The following RNF13 variants were observed in gnomAD, a reference collection of about 807,000 sequenced individuals.
RNF13 encodes the protein ring finger protein 13, also known as E3 ubiquitin-protein ligase RNF13.
Under a neutral mutation model 37.7 loss-of-function variants are expected in RNF13, and 19 were observed. The ratio of observed to expected loss-of-function variants is 0.50; its 90% CI spans 0.35 to 0.74. RNF13 has a LOEUF of 0.74. Among genes scored for constraint, RNF13 ranks in the 30% least tolerant of loss-of-function variants. The pLI is 0.01. For synonymous variants in RNF13, 144 were observed against 157.8 expected (o/e 0.91, Z 0.65); for missense variants, 375 against 453.0 (o/e 0.83, Z 1.56).
intron 8 of RNF13, among the ~76,000 whole-genome samples, chr3:149,937,749 A>G (rs1040399886): frequency 1.3e-5 from 2 of 152,074 alleles, no homozygotes; most frequent in Non-Finnish European, 2.9e-5. Flanking sequence ...GTATTTATAT[A>G]TTATTATATA....
chr3:149,926,679 G>A (rs1718687659), intron 8 of RNF13, among the ~76,000 whole-genome samples: 1 of 152,118 alleles, frequency 6.6e-6, no homozygotes, highest in Non-Finnish European at 1.5e-5. Flanking sequence ...TTTTATATAA[G>A]GGTATCCAGT....
chr3:149,949,751 A>ATTTTTTTTTTTTTTTTTTTTTT (rs1721132879), intron 8 of RNF13, among the ~76,000 whole-genome samples: 1 of 94,860 alleles, frequency 1.1e-5, no homozygotes. Flanking sequence ...TCTTCTCTTC[A>ATTTTTTTTTTTTTTTTTTTTTT]TTTCTTCTCT....
intron 3 of RNF13, among the ~76,000 whole-genome samples, chr3:149,863,320 T>C (rs1394595431): frequency 1.3e-5 from 2 of 152,230 alleles, no homozygotes; most frequent in Non-Finnish European, 2.9e-5. Context: ...TTGTGTTTGT[T>C]ATGTTTTGGA....
intron 3 of RNF13, among the ~76,000 whole-genome samples, chr3:149,862,634 C>T (rs1024202818): frequency 6.6e-6 from 1 of 152,130 alleles, no homozygotes; most frequent in African/African-American, 2.4e-5. Context: ...CTGTTGCATA[C>T]TGCATTTTAT....
At chr3:149,935,376 A>G (rs546961001) in intron 8 of RNF13, among the ~76,000 whole-genome samples, 4 of 152,098 alleles carry the variant, frequency 2.6e-5, no homozygotes, top group African/African-American at 9.6e-5. Context: ...TTACATTGTT[A>G]TTATTGATAG....
At chr3:149,859,511 A>T (rs989185924) in intron 3 of RNF13, among the ~76,000 whole-genome samples, 12 of 152,160 alleles carry the variant, frequency 7.9e-5, no homozygotes, top group Admixed American at 4.6e-4. Context: ...ACACACACAG[A>T]GGAAGTCAAA....
At chr3:149,946,707 G>A (rs1720800521) in intron 8 of RNF13, among the ~76,000 whole-genome samples, 1 of 151,958 alleles carries the variant, frequency 6.6e-6, no homozygotes, top group African/African-American at 2.4e-5. Flanking sequence ...CTCCATTTTA[G>A]TTATTGCAGC....
chr3:149,817,010 A>G (rs1299679645), intron 1 of RNF13, among the ~76,000 whole-genome samples: 2 of 152,200 alleles, frequency 1.3e-5, no homozygotes, highest in African/African-American at 4.8e-5. Context: ...ATCATGAAGA[A>G]CAGGTTTTGG....
At chr3:149,852,458 G>A in intron 2 of RNF13, 58 bp from the exon 3 acceptor site, 2 of 690,824 alleles carry the variant, frequency 2.9e-6, no homozygotes, top group Non-Finnish European at 4.7e-6. Context: ...ATAAGTCTTT[G>A]TTTTTAATGT....
intron 1 of RNF13, among the ~76,000 whole-genome samples, 176 bp downstream of exon 1, chr3:149,813,529 C>T (rs1719118249): frequency 6.6e-6 from 1 of 152,190 alleles, no homozygotes. Context: ...ATAAAATAGC[C>T]TTGCCCTCGG....
intron 8 of RNF13, among the ~76,000 whole-genome samples, chr3:149,945,340 A>C (rs1162828504): frequency 2.6e-5 from 4 of 151,804 alleles, no homozygotes; most frequent in Non-Finnish European, 5.9e-5. Flanking sequence ...CTGAGATCGA[A>C]CTGCAAGGCG....
At chr3:149,947,424 A>G (rs1720872318) in intron 8 of RNF13, among the ~76,000 whole-genome samples, 1 of 150,660 alleles carries the variant, frequency 6.6e-6, no homozygotes, top group Non-Finnish European at 1.5e-5. Flanking sequence ...TTTTTTTTAA[A>G]GGCGGAGTTT....
intron 8 of RNF13, among the ~76,000 whole-genome samples, chr3:149,949,699 C>T (rs1721123507): frequency 6.6e-6 from 1 of 151,496 alleles, no homozygotes; most frequent in Non-Finnish European, 1.5e-5. Flanking sequence ...TCCCAGAAGT[C>T]CCTCAGATTC....
intron 8 of RNF13, among the ~76,000 whole-genome samples, chr3:149,925,337 C>T (rs1718530755): frequency 6.6e-6 from 1 of 152,104 alleles, no homozygotes; most frequent in South Asian, 2.1e-4. Flanking sequence ...ATTACTGCCA[C>T]CCCAGGAGCT....
chr3:149,879,386 C>T lies in RNF13; in HGVS notation c.321+7232C>T, dbSNP rs111383216. Among the ~76,000 whole-genome samples, 393 of 149,604 alleles carry T rather than the reference C, an allele frequency of 2.6e-3. 2 individuals carry two copies. The highest frequency in any genetic ancestry group is 9.2e-3 in the African/African-American group (375 of 40,542). ...GCAGTGGCATGAACATGGCTCACTG[C>T]AGCCTTGACCTCCTGGGGCTCAGGC... is the stretch of plus-strand genomic sequence containing the variant. On this transcript the variant is annotated intron_variant, in intron 4 of 9. Transcript: ENST00000392894.
intron 6 of RNF13, among the ~76,000 whole-genome samples, chr3:149,907,996 A>G (rs917307113): frequency 2.0e-5 from 3 of 152,110 alleles, no homozygotes; most frequent in Non-Finnish European, 4.4e-5. Context: ...GTTTTCCCCT[A>G]CTCTTGCCAG....
intron 1 of RNF13, among the ~76,000 whole-genome samples, chr3:149,837,961 A>G (rs1249790610): frequency 6.6e-6 from 1 of 152,200 alleles, no homozygotes; most frequent in Non-Finnish European, 1.5e-5. Flanking sequence ...CCTAGATACA[A>G]TGGGGGTACA....
intron 8 of RNF13, among the ~76,000 whole-genome samples, chr3:149,940,576 A>G (rs1054496896): frequency 6.6e-6 from 1 of 152,114 alleles, no homozygotes; most frequent in African/African-American, 2.4e-5. Flanking sequence ...TCTTCTCTTT[A>G]AAGAACTTAT....
At chr3:149,867,444 T>G (rs1037926890) in intron 3 of RNF13, among the ~76,000 whole-genome samples, 2 of 151,424 alleles carry the variant, frequency 1.3e-5, no homozygotes, top group African/African-American at 4.8e-5. Flanking sequence ...TTTTTTGTAT[T>G]TTTAGTAGAG....
Sources: allele counts gnomAD v4.1 joint callset (sites outside exome capture counted in the v4.1 genomes callset), GRCh38; gene constraint gnomAD v4.1.1; transcripts MANE v1.5; gene names NCBI Gene and HGNC (gene_info 2026-07-23, HGNC 2026-07-21).